The following DLC1 variants were observed in gnomAD, a reference collection of about 807,000 sequenced individuals.
The protein encoded by DLC1 is rho GTPase-activating protein 7.
DLC1 carries 54 observed loss-of-function variants against 140.3 expected under a neutral mutation model. The ratio of observed to expected loss-of-function variants is 0.38; its 90% CI spans 0.31 to 0.48. DLC1 has a LOEUF of 0.48. Ranked by LOEUF, DLC1 falls within the 20% of genes least tolerant of loss-of-function variation. The pLI is 0.96. For synonymous variants in DLC1, 986 were observed against 728.1 expected (o/e 1.35, Z -5.70); for missense variants, 2,536 against 1,907.0 (o/e 1.33, Z -6.14).
At chr8:13,106,034 G>A (rs1819537352) in intron 7 of DLC1, among the ~76,000 whole-genome samples, 1 of 152,178 alleles carries the variant, frequency 6.6e-6, no homozygotes, top group Non-Finnish European at 1.5e-5. Context: ...CTCCCAGGCT[G>A]GGCTCCACAG....
At chr8:13,363,509 T>C (rs1327439510) in intron 4 of DLC1, among the ~76,000 whole-genome samples, 2 of 152,094 alleles carry the variant, frequency 1.3e-5, no homozygotes, top group African/African-American at 4.8e-5. Context: ...AAACTGAACC[T>C]AGCTCTTTTT....
rs532863174 is a variant in DLC1, at chr8:13,526,783, G to A, written c.-125-26587C>T. Among the ~76,000 whole-genome samples the A allele has an allele frequency of 7.2e-5, 11 of 152,052 alleles. No homozygotes were observed. In the East Asian group the frequency reaches 1.6e-3, roughly 22 times the overall value. ...ACCAGGGCCTGCCAGGGGGTTGGGGGACAGGGGAGGGATAGCATTAGGAGA... is the reference window on the plus strand; with the variant it reads ...ACCAGGGCCTGCCAGGGGGTTGGGGAACAGGGGAGGGATAGCATTAGGAGA... On this transcript the variant is annotated intron_variant, in intron 1 of 1. Transcript: ENST00000631382.
At chr8:13,315,524 A>G (rs1036298490) in intron 4 of DLC1, among the ~76,000 whole-genome samples, 7 of 152,244 alleles carry the variant, frequency 4.6e-5, no homozygotes, top group Non-Finnish European at 8.8e-5. Flanking sequence ...TGTCAGAAAG[A>G]CAGGTTAATT....
chr8:13,291,020 G>A lies in DLC1; in HGVS notation c.1348+14249C>T, dbSNP rs369566382. ...GCCTCCCGGGTTCAAGGATTCTCCA[G>A]CCTCAGCCTCCCAATTAGCTGCGAT... On this transcript the variant is annotated intron_variant, in intron 5 of 17. Transcript: ENST00000276297. Among the ~76,000 whole-genome samples, 4 of 152,314 alleles carry A rather than the reference G, an allele frequency of 2.6e-5. 1 individual carries two copies. The East Asian group carries it at 7.7e-4, about 29-fold the overall frequency.
Position 13,171,358 on chromosome 8 carries a change from T to G in DLC1, c.1349-55701A>C, listed in dbSNP as rs866327904. ...CAGAGTCACTAGGGACCGAAATAAC[T>G]CACTGAGATTCTGTAGGTGCCCTAC... On this transcript the variant is annotated intron_variant, in intron 5 of 17. Coordinates refer to ENST00000276297, the MANE Select transcript of DLC1 (RefSeq NM_182643.3). Among the ~76,000 whole-genome samples, 3 of 152,246 alleles carry G rather than the reference T, an allele frequency of 2.0e-5. No individual in the cohort carries two copies. In the East Asian group the frequency reaches 5.8e-4, roughly 29 times the overall value.
chr8:13,578,861 C>T lies in DLC1; in HGVS notation c.-126+25676G>A, dbSNP rs555788184. 1.1e-4 allele frequency among the ~76,000 whole-genome samples: 16 copies of T among 152,110 alleles called. No individual in the cohort carries two copies. The South Asian group carries it at 2.3e-3, about 22-fold the overall frequency. The stretch of plus-strand genomic sequence containing the variant: ...TAGGTTTTCTGTGGAGACTTCATCA[C>T]GTAGGCATGATTAAGTAAATCTATG... On this transcript the variant is annotated intron_variant, in intron 1 of 1. Coordinates refer to the DLC1 transcript ENST00000631382.
intron 2 of DLC1, among the ~76,000 whole-genome samples, chr8:13,421,132 T>C (rs7812494): frequency 0.042 from 6,458 of 152,280 alleles, 449 homozygotes; most frequent in African/African-American, 0.15. Flanking sequence ...TTTTAAGTTT[T>C]CCAAAACTCG....
chr8:13,567,608 G>A, intron 1 of DLC1: 1 of 1,551,750 alleles, frequency 6.4e-7, no homozygotes, highest in East Asian at 2.4e-5. Flanking sequence ...AACAGGAAAA[G>A]AGCGGAGCTG....
chr8:13,378,863 T>G (rs1836118745), intron 4 of DLC1, among the ~76,000 whole-genome samples: 1 of 152,170 alleles, frequency 6.6e-6, no homozygotes, highest in African/African-American at 2.4e-5. Context: ...TAATCCACTC[T>G]GACAATATTC....
chr8:13,145,698 T>G (rs971143562), intron 5 of DLC1, among the ~76,000 whole-genome samples: 3 of 152,224 alleles, frequency 2.0e-5, no homozygotes, highest in African/African-American at 7.2e-5. Flanking sequence ...TGAAAATAAA[T>G]GAGCATAGCT....
intron 5 of DLC1, among the ~76,000 whole-genome samples, chr8:13,284,632 C>T (rs1303372032): frequency 7.2e-5 from 11 of 152,070 alleles, no homozygotes; most frequent in Non-Finnish European, 1.5e-4. Flanking sequence ...TTGAAGAGAT[C>T]AATACAATTG....
At chr8:13,471,902 A>T (rs112386461) in intron 2 of DLC1, among the ~76,000 whole-genome samples, 555 of 152,286 alleles carry the variant, frequency 3.6e-3, no homozygotes, top group Non-Finnish European at 5.7e-3. Context: ...AGGAGATCTC[A>T]AGGCCGAGGA....
intron 5 of DLC1, among the ~76,000 whole-genome samples, chr8:13,180,965 C>T (rs1411389455): frequency 6.6e-6 from 1 of 151,964 alleles, no homozygotes; most frequent in Non-Finnish European, 1.5e-5. Flanking sequence ...TAGCGCTTGA[C>T]ATATAATGTT....
chr8:13,375,989 T>C (rs1835965237), intron 4 of DLC1, among the ~76,000 whole-genome samples: 1 of 152,160 alleles, frequency 6.6e-6, no homozygotes, highest in Admixed American at 6.5e-5. Context: ...TCAAATTTTC[T>C]CCTAATATTT....
chr8:13,334,551 T>G (rs999025265), intron 4 of DLC1, among the ~76,000 whole-genome samples: 10 of 152,000 alleles, frequency 6.6e-5, no homozygotes, highest in African/African-American at 2.4e-4. Context: ...CAAACCAGGT[T>G]TGTGGGAGAC....
chr8:13,452,520 T>C (rs879306114), intron 2 of DLC1, among the ~76,000 whole-genome samples: 5 of 152,354 alleles, frequency 3.3e-5, no homozygotes, highest in Non-Finnish European at 7.3e-5. Context: ...TTTGCTAAAG[T>C]GATAGGTACA....
At chr8:13,199,477 C>CT (rs1563158627) in intron 5 of DLC1, among the ~76,000 whole-genome samples, 2 of 152,024 alleles carry the variant, frequency 1.3e-5, no homozygotes, top group African/African-American at 4.8e-5. Context: ...CACTGGGCCC[C>CT]GCGTTCTCAT....
At chr8:13,256,346 A>T (rs911937391) in intron 5 of DLC1, among the ~76,000 whole-genome samples, 1 of 152,160 alleles carries the variant, frequency 6.6e-6, no homozygotes, top group African/African-American at 2.4e-5. Context: ...TGAACTAGTT[A>T]TTGACCCAGC....
At chr8:13,456,802 A>G (rs1017353228) in intron 2 of DLC1, among the ~76,000 whole-genome samples, 1 of 152,164 alleles carries the variant, frequency 6.6e-6, no homozygotes, top group Non-Finnish European at 1.5e-5. Context: ...GAATGCTGAG[A>G]TCAGCTCCAA....
Sources: gnomAD v4.1 joint callset for allele counts (sites outside exome capture counted in the v4.1 genomes callset) on GRCh38, gnomAD v4.1.1 for gene constraint, MANE v1.5 for transcripts, NCBI Gene and HGNC (gene_info 2026-07-23, HGNC 2026-07-21) for gene names.